Variants in PHF24 observed in about 807,000 individuals in gnomAD.
PHF24 encodes PHD finger protein 24.
A neutral mutation model predicts 42.6 loss-of-function variants in PHF24; 25 were observed. The ratio of observed to expected loss-of-function variants is 0.59; its 90% CI spans 0.43 to 0.82. The LOEUF (loss-of-function observed/expected upper bound fraction) is 0.82, where lower values mean the gene tolerates loss of function less well. PHF24 is among the 40% of genes least tolerant of loss of function. The pLI is 0.00. For missense variants in PHF24, 470 were observed against 538.1 expected, an observed-to-expected ratio of 0.87 and a Z score of 1.25; for synonymous variants, 185 against 204.8, an observed-to-expected ratio of 0.90 and a Z score of 0.83.
the PHF24 span, among the ~76,000 whole-genome samples, chr9:34,937,035 C>G: frequency 3.5e-5 from 4 of 114,328 alleles, no homozygotes; most frequent in South Asian, 4.9e-4. Flanking sequence ...GGGGGGTCAG[C>G]CCCCCCCCCG....
the PHF24 span, among the ~76,000 whole-genome samples, chr9:34,803,541 T>C: frequency 6.6e-6 from 1 of 152,170 alleles, no homozygotes; most frequent in Non-Finnish European, 1.5e-5. Context: ...CCAGGATCTG[T>C]TTCCTTTAAA....
At chr9:34,723,843 C>G in the PHF24 span, 8 of 1,551,718 alleles carry the variant, frequency 5.2e-6, no homozygotes, top group African/African-American at 9.6e-5. Flanking sequence ...TTCTCAGACT[C>G]TTTCTCCCCA....
chr9:34,702,844 A>G, the PHF24 span, among the ~76,000 whole-genome samples: 1 of 152,224 alleles, frequency 6.6e-6, no homozygotes. Context: ...GTTAGAAAAA[A>G]AGAGAGTTGG....
At chr9:34,892,129 G>A in the PHF24 span, among the ~76,000 whole-genome samples, 4 of 152,160 alleles carry the variant, frequency 2.6e-5, no homozygotes, top group African/African-American at 9.7e-5. Context: ...TACAGATGTG[G>A]CACATTGAGG....
chr9:34,880,724 A>G, the PHF24 span, among the ~76,000 whole-genome samples: 3 of 152,338 alleles, frequency 2.0e-5, no homozygotes, highest in African/African-American at 4.8e-5. Flanking sequence ...TTAGAGACCT[A>G]CAAAGAGACT....
At chr9:34,765,173 T>A in the PHF24 span, among the ~76,000 whole-genome samples, 3 of 152,034 alleles carry the variant, frequency 2.0e-5, no homozygotes, top group African/African-American at 7.2e-5. Context: ...AAATGTATAT[T>A]CTGTTGATTT....
chr9:34,703,440 A>G, the PHF24 span, among the ~76,000 whole-genome samples: 448 of 152,278 alleles, frequency 2.9e-3, 2 homozygotes, highest in African/African-American at 0.01. Context: ...AAGTGCTGGG[A>G]TTACAGGCAT....
At chr9:34,862,362 G>A in the PHF24 span, among the ~76,000 whole-genome samples, 3 of 152,046 alleles carry the variant, frequency 2.0e-5, no homozygotes, top group Non-Finnish European at 4.4e-5. Context: ...ACAACCCCAG[G>A]CAGCACGATT....
At chr9:34,866,014 C>G in the PHF24 span, among the ~76,000 whole-genome samples, 17 of 152,294 alleles carry the variant, frequency 1.1e-4, no homozygotes, top group African/African-American at 3.8e-4. Flanking sequence ...CAGTGTTGCC[C>G]TATTCAATTG....
At chr9:34,778,907 G>C in the PHF24 span, among the ~76,000 whole-genome samples, 85,488 of 151,918 alleles carry the variant, frequency 0.56, 25,036 homozygotes, top group Non-Finnish European at 0.65. Flanking sequence ...CAAAATCACA[G>C]AAAATATATT....
chr9:34,689,606 T>G, the PHF24 span: 2 of 578,470 alleles, frequency 3.5e-6, no homozygotes, highest in South Asian at 4.7e-5. The surrounding 1 kb of genome is among the most constrained non-coding windows in gnomAD (Gnocchi z 4.1). Context: ...TTGGTAGCAT[T>G]GCAATCTGGG....
At chr9:34,772,195 A>G in the PHF24 span, among the ~76,000 whole-genome samples, 1 of 152,254 alleles carries the variant, frequency 6.6e-6, no homozygotes, top group Non-Finnish European at 1.5e-5. Flanking sequence ...GGATCAGTCA[A>G]CAACGCCTAA....
the PHF24 span, among the ~76,000 whole-genome samples, chr9:34,694,828 G>A: frequency 1.3e-5 from 2 of 152,156 alleles, no homozygotes; most frequent in Non-Finnish European, 2.9e-5. Flanking sequence ...GACCCCAACT[G>A]CCTATCATCC....
the PHF24 span, among the ~76,000 whole-genome samples, chr9:34,919,645 AC>A: frequency 7.1e-6 from 1 of 141,300 alleles, no homozygotes; most frequent in Admixed American, 7.1e-5. Flanking sequence ...GCTATCAAAT[AC>A]TAGGTCTTAT....
chr9:34,935,570 G>A, the PHF24 span, among the ~76,000 whole-genome samples: 2 of 149,626 alleles, frequency 1.3e-5, no homozygotes, highest in Admixed American at 1.3e-4. Flanking sequence ...CTCCAGCCTG[G>A]GGGACAGAGC....
At chr9:34,692,681 G>A in the PHF24 span, among the ~76,000 whole-genome samples, 2 of 152,180 alleles carry the variant, frequency 1.3e-5, no homozygotes, top group South Asian at 4.2e-4. Context: ...AATGGGAATG[G>A]TAGAAGATCT....
At chr9:34,758,306 C>T in the PHF24 span, among the ~76,000 whole-genome samples, 1 of 152,066 alleles carries the variant, frequency 6.6e-6, no homozygotes, top group Non-Finnish European at 1.5e-5. The surrounding 1 kb of genome is among the most constrained non-coding windows in gnomAD (Gnocchi z 4.4). Flanking sequence ...AGCTACTCCA[C>T]CAGCCTGTGG....
At chr9:34,679,642 G>A in the PHF24 span, among the ~76,000 whole-genome samples, 1 of 152,190 alleles carries the variant, frequency 6.6e-6, no homozygotes, top group Admixed American at 6.5e-5. Context: ...TTGAACCCAG[G>A]AGGCGGAGGT....
chr9:34,965,420 C>T (rs1826733579), intron 1 of PHF24, among the ~76,000 whole-genome samples: 1 of 152,208 alleles, frequency 6.6e-6, no homozygotes, highest in Admixed American at 6.5e-5. Flanking sequence ...TGCATTTCTG[C>T]CCTTACAGGC....
Sources: allele counts gnomAD v4.1 joint callset (sites outside exome capture counted in the v4.1 genomes callset), GRCh38; gene constraint gnomAD v4.1.1; non-coding constraint Gnocchi (gnomAD v3.1); transcripts MANE v1.5; gene names NCBI Gene and HGNC (gene_info 2026-07-23, HGNC 2026-07-21).